The following MCU variants were observed in gnomAD, a reference collection of about 807,000 sequenced individuals.
The protein encoded by MCU is calcium uniporter protein, mitochondrial.
Under a neutral mutation model 45.2 loss-of-function variants are expected in MCU, and 12 were observed. That is an observed-to-expected ratio of 0.27 (90% CI 0.17 to 0.43). MCU has a LOEUF of 0.43. Ranked by LOEUF, MCU falls within the 20% of genes least tolerant of loss-of-function variation. MCU has a pLI of 1.00. For synonymous variants in MCU, 160 were observed against 165.1 expected (o/e 0.97, Z 0.24); for missense variants, 324 against 436.7 (o/e 0.74, Z 2.30).
chr10:72,759,838 G>C (rs1454613012), intron 1 of MCU, among the ~76,000 whole-genome samples: 1 of 152,090 alleles, frequency 6.6e-6, no homozygotes, highest in Non-Finnish European at 1.5e-5. Context: ...TCTCTCCACC[G>C]TGTGAGAATA....
intron 1 of MCU, chr10:72,692,623 G>T: frequency 9.1e-7 from 1 of 1,104,776 alleles, no homozygotes; most frequent in South Asian, 4.1e-5. Flanking sequence ...TCCCTTCTTC[G>T]TTCTTAACAG....
chr10:72,728,954 G>A (rs1843135504), intron 1 of MCU, among the ~76,000 whole-genome samples: 3 of 152,202 alleles, frequency 2.0e-5, no homozygotes, highest in Non-Finnish European at 4.4e-5. Flanking sequence ...AGTGAGTAGA[G>A]GGATGAAGCC....
chr10:72,750,286 A>G (rs1418131639), intron 1 of MCU, among the ~76,000 whole-genome samples: 8 of 152,222 alleles, frequency 5.3e-5, no homozygotes, highest in Non-Finnish European at 1.0e-4. Flanking sequence ...AGTTTCTCCC[A>G]TATCTGCAAG....
chr10:72,755,672 T>C (rs1843565148), intron 1 of MCU, among the ~76,000 whole-genome samples: 1 of 152,344 alleles, frequency 6.6e-6, no homozygotes. Context: ...TTTGCACTTG[T>C]AGCCTGTAAT....
chr10:72,871,818 G>A (rs917214923), intron 6 of MCU, among the ~76,000 whole-genome samples: 1 of 152,144 alleles, frequency 6.6e-6, no homozygotes, highest in African/African-American at 2.4e-5. Flanking sequence ...AGAAAGCCAT[G>A]TAGACCATTA....
intron 2 of MCU, among the ~76,000 whole-genome samples, chr10:72,855,397 G>T (rs189207091): frequency 6.6e-6 from 1 of 151,840 alleles, no homozygotes; most frequent in Non-Finnish European, 1.5e-5. Flanking sequence ...GGGCAACATA[G>T]TGAGACCCTG....
rs142971859 is a variant in MCU, at chr10:72,791,027, T to A, written c.151-43332T>A. On this transcript the variant is annotated intron_variant, in intron 1 of 7. Transcript: ENST00000373053. ...AGTGATTTATTCTCCCCAGAAGGAATAGTGTTCATATTCTATATTCTTGAT... is the reference window on the plus strand; with the variant it reads ...AGTGATTTATTCTCCCCAGAAGGAAAAGTGTTCATATTCTATATTCTTGAT... Among the ~76,000 whole-genome samples, 8 of 152,282 alleles carry A rather than the reference T, an allele frequency of 5.3e-5. No individual in the cohort carries two copies. The East Asian group carries it at 1.5e-3, about 29-fold the overall frequency.
In MCU at chr10:72,873,167, C is replaced by T. The variant is rs563217112; in HGVS notation, c.861+1587C>T. 1.1e-3 allele frequency among the ~76,000 whole-genome samples: 160 copies of T among 151,488 alleles called. 1 individual carries two copies. Among genetic ancestry groups the T allele is most frequent in the Middle Eastern group, 0.01 (3 of 288 alleles). On this transcript the variant is annotated intron_variant, in intron 6 of 7. Coordinates refer to ENST00000373053, the MANE Select transcript of MCU (RefSeq NM_138357.3). ...CTGAATAGCTGGGACTACAGATGCCCGCCACCACGCCCGGCTAATTTTTTG... is the reference window on the plus strand; with the variant it reads ...CTGAATAGCTGGGACTACAGATGCCTGCCACCACGCCCGGCTAATTTTTTG...
At chr10:72,821,638 A>C (rs1844713395) in intron 1 of MCU, among the ~76,000 whole-genome samples, 1 of 152,196 alleles carries the variant, frequency 6.6e-6, no homozygotes, top group Non-Finnish European at 1.5e-5. Flanking sequence ...AGTTCCTCAC[A>C]ACAATTTCTT....
chr10:72,832,605 T>C (rs1333384401), intron 1 of MCU, among the ~76,000 whole-genome samples: 2 of 152,190 alleles, frequency 1.3e-5, no homozygotes, highest in Non-Finnish European at 2.9e-5. Flanking sequence ...CAAGATTCTT[T>C]GGAAAAAATC....
Position 72,709,663 on chromosome 10 carries a change from GTTT to G in MCU, c.150+17363_150+17365del, listed in dbSNP as rs554389279. ...CTAGATATAGATATAGATGTCAATA[GTTT>G]GGTTTTGTTTATTTATTTTCTTGTT... On this transcript the variant is annotated intron_variant, in intron 1 of 7. Transcript: ENST00000373053. Among the ~76,000 whole-genome samples the G allele has an allele frequency of 3.1e-3, 467 of 152,154 alleles. 1 individual carries two copies. Among genetic ancestry groups the G allele is most frequent in the African/African-American group, 0.01 (435 of 41,508 alleles).
intron 1 of MCU, among the ~76,000 whole-genome samples, chr10:72,749,022 G>A (rs1278652101): frequency 6.6e-6 from 1 of 152,178 alleles, no homozygotes; most frequent in Non-Finnish European, 1.5e-5. Flanking sequence ...AACACTTTGG[G>A]AGGCCAAGGT....
intron 1 of MCU, among the ~76,000 whole-genome samples, chr10:72,708,949 A>G (rs1867652): frequency 1 from 151,901 of 152,194 alleles, 75,809 homozygotes; most frequent in Middle Eastern, 1. Context: ...CCTAGGCTGC[A>G]GTAAGCTTTG....
At chr10:72,881,172 T>C (rs1179255466) in intron 6 of MCU, among the ~76,000 whole-genome samples, 2 of 152,086 alleles carry the variant, frequency 1.3e-5, no homozygotes, top group African/African-American at 2.4e-5. Context: ...GGAGAGTCTT[T>C]TTCAATAAAT....
chr10:72,737,020 T>G (rs1843260418), intron 1 of MCU, among the ~76,000 whole-genome samples: 1 of 152,256 alleles, frequency 6.6e-6, no homozygotes, highest in African/African-American at 2.4e-5. Context: ...CTTTCTAGTC[T>G]TGTTAGTGAA....
chr10:72,728,231 TG>T (rs769830392), intron 1 of MCU, among the ~76,000 whole-genome samples: 1 of 152,232 alleles, frequency 6.6e-6, no homozygotes, highest in Non-Finnish European at 1.5e-5. Flanking sequence ...TGTGTTTTAT[TG>T]GCATAATATA....
In MCU at chr10:72,692,883, CTG is replaced by C. The variant is rs142654513; in HGVS notation, c.150+591_150+592del. 7.6e-3 allele frequency: 11,171 copies of C among 1,462,194 alleles called. 52 individuals carry two copies. The highest frequency in any genetic ancestry group is 9.1e-3 in the Non-Finnish European group (10,056 of 1,111,000). 90.6% of individuals were successfully genotyped at this position (1,462,194 alleles called of 1,614,324 possible). ...ACTTTATTCCCCTCTGTGACTTCCT[CTG>C]TGTGTGTGCATGGGGAACCGGCTCC... On this transcript the variant is annotated intron_variant, in intron 1 of 7. Coordinates refer to ENST00000373053, the MANE Select transcript of MCU (RefSeq NM_138357.3).
At chr10:72,821,501 G>A (rs545475290) in intron 1 of MCU, among the ~76,000 whole-genome samples, 3 of 152,238 alleles carry the variant, frequency 2.0e-5, no homozygotes, top group African/African-American at 7.2e-5. Context: ...GTCTCAATAA[G>A]ATTGATATGC....
At chr10:72,829,379 A>T (rs1261559775) in intron 1 of MCU, among the ~76,000 whole-genome samples, 1 of 151,828 alleles carries the variant, frequency 6.6e-6, no homozygotes, top group Non-Finnish European at 1.5e-5. Context: ...ATAATTTTTG[A>T]AATACTTTCT....
Sources: allele counts gnomAD v4.1 joint callset (sites outside exome capture counted in the v4.1 genomes callset), GRCh38; gene constraint gnomAD v4.1.1; transcripts MANE v1.5; gene names NCBI Gene and HGNC (gene_info 2026-07-23, HGNC 2026-07-21).